EYS: variants seen among roughly 807,000 people sequenced by gnomAD.
EYS encodes protein eyes shut homolog.
In EYS, 250 loss-of-function variants were observed where a neutral mutation model predicts 282.1. That is an observed-to-expected ratio of 0.89 (90% CI 0.80 to 0.98). The LOEUF is 0.98. Among genes scored for constraint, EYS ranks in the 50% least tolerant of loss-of-function variants. The pLI is 0.00. For missense variants in EYS, 4,016 were observed against 3,709.0 expected (o/e 1.08, Z -2.15); for synonymous variants, 1,355 against 1,282.9 (o/e 1.06, Z -1.20).
intron 8 of EYS, among the ~76,000 whole-genome samples, chr6:65,376,792 G>A (rs984259081): frequency 6.6e-6 from 1 of 152,124 alleles, no homozygotes; most frequent in Admixed American, 6.6e-5. Context: ...TTACATAATG[G>A]TAAAGGGATC....
At chr6:65,248,336 A>C (rs1767233429) in intron 12 of EYS, among the ~76,000 whole-genome samples, 1 of 152,112 alleles carries the variant, frequency 6.6e-6, no homozygotes, top group East Asian at 1.9e-4. Context: ...TGCAGGATAA[A>C]TGTAATAGTA....
chr6:65,070,582 T>C (rs1053491053), intron 12 of EYS, among the ~76,000 whole-genome samples: 3 of 151,904 alleles, frequency 2.0e-5, no homozygotes, highest in African/African-American at 7.2e-5. Flanking sequence ...ATTTTAATGC[T>C]GTTTTCTTGG....
At chr6:63,949,627 T>C (rs563955931) in intron 35 of EYS, among the ~76,000 whole-genome samples, 1 of 152,346 alleles carries the variant, frequency 6.6e-6, no homozygotes. Context: ...TCTGCTGATA[T>C]GCCTCTCATC....
intron 12 of EYS, among the ~76,000 whole-genome samples, chr6:65,223,255 T>C (rs681731): frequency 0.022 from 3,271 of 152,092 alleles, 107 homozygotes; most frequent in African/African-American, 0.075. Flanking sequence ...TAATCCCAAC[T>C]ACTCAGGAGG....
chr6:65,309,322 C>T (rs997040958), intron 11 of EYS, among the ~76,000 whole-genome samples: 1 of 152,144 alleles, frequency 6.6e-6, no homozygotes, highest in African/African-American at 2.4e-5. Flanking sequence ...TCTGAAATGA[C>T]ATTTGTACTT....
At chr6:65,161,928 C>T (rs12198932) in intron 12 of EYS, among the ~76,000 whole-genome samples, 57,019 of 150,756 alleles carry the variant, frequency 0.38, 11,985 homozygotes, top group African/African-American at 0.57. Context: ...TTAGTTTCCC[C>T]GCCTCCTCAC....
intron 8 of EYS, among the ~76,000 whole-genome samples, chr6:65,370,169 T>A (rs1228155328): frequency 6.6e-6 from 1 of 151,494 alleles, no homozygotes; most frequent in East Asian, 1.9e-4. Context: ...TGTCATAACA[T>A]ACTTAGCTTA....
chr6:64,595,775 A>G (rs954904702), intron 24 of EYS, among the ~76,000 whole-genome samples: 1 of 152,218 alleles, frequency 6.6e-6, no homozygotes, highest in South Asian at 2.1e-4. Context: ...CTGATGCAAG[A>G]CATTGAAGAG....
intron 12 of EYS, among the ~76,000 whole-genome samples, chr6:65,177,918 A>AT (rs1171912473): frequency 4.0e-5 from 6 of 151,754 alleles, no homozygotes; most frequent in Non-Finnish European, 7.4e-5. Flanking sequence ...TATGAGAATG[A>AT]TTTTTTTTCT....
chr6:64,883,284 T>C (rs1233813910), intron 19 of EYS, among the ~76,000 whole-genome samples: 1 of 151,440 alleles, frequency 6.6e-6, no homozygotes, highest in Non-Finnish European at 1.5e-5. Context: ...ATGAAACATA[T>C]CCAAGAAAAA....
chr6:64,933,668 A>G (rs370684375), intron 15 of EYS, among the ~76,000 whole-genome samples: 3 of 152,296 alleles, frequency 2.0e-5, no homozygotes, highest in East Asian at 3.9e-4. Flanking sequence ...ATTCTACTAT[A>G]AAAACACATC....
intron 19 of EYS, among the ~76,000 whole-genome samples, chr6:64,843,800 G>C (rs1765638264): frequency 6.6e-6 from 1 of 152,016 alleles, no homozygotes; most frequent in South Asian, 2.1e-4. Context: ...TGAAATGTGA[G>C]GACATGAGAT....
intron 12 of EYS, among the ~76,000 whole-genome samples, chr6:65,200,267 A>T (rs1765867554): frequency 6.6e-6 from 1 of 151,772 alleles, no homozygotes; most frequent in South Asian, 2.1e-4. Flanking sequence ...AGTAGTGATA[A>T]GGCAAGAAAA....
intron 12 of EYS, among the ~76,000 whole-genome samples, chr6:65,166,675 A>G (rs915906003): frequency 6.6e-6 from 1 of 151,274 alleles, no homozygotes; most frequent in Non-Finnish European, 1.5e-5. Context: ...AGTTTTTTAC[A>G]TATAACAAAA....
At chr6:64,905,359 A>G (rs1767790842) in intron 16 of EYS, among the ~76,000 whole-genome samples, 1 of 152,214 alleles carries the variant, frequency 6.6e-6, no homozygotes, top group Non-Finnish European at 1.5e-5. Flanking sequence ...AAAGTTTGTT[A>G]TTACTAATTT....
intron 30 of EYS, among the ~76,000 whole-genome samples, chr6:64,273,221 A>T (rs535453302): frequency 6.6e-6 from 1 of 152,278 alleles, no homozygotes; most frequent in African/African-American, 2.4e-5. Context: ...AAATCTTTGT[A>T]TCATGATTAG....
chr6:63,806,179 G>A lies in EYS; in HGVS notation c.7411+11C>T, dbSNP rs886061668. The A allele has an allele frequency of 5.8e-6, 9 of 1,549,652 alleles. No homozygotes were observed. The South Asian group carries it at 8.3e-5, about 14-fold the overall frequency. ...AGCGAGGCAAGTCCTAGAGGGTTCA[G>A]TTAATCTTACCATGGCCTTTCTGTC... On this transcript the variant is annotated intron_variant, in intron 37 of 42. Coordinates refer to ENST00000503581, the MANE Select transcript of EYS (RefSeq NM_001142800.2).
At position 65,703,924 on chromosome 6, in the gene EYS, G is replaced by C. The variant is rs1030888527; in HGVS notation, c.-448+3211C>G. 2.6e-5 allele frequency among the ~76,000 whole-genome samples: 4 copies of C among 152,250 alleles called. 1 individual carries two copies. In the South Asian group the frequency reaches 8.3e-4, roughly 32 times the overall value. On this transcript the variant is annotated intron_variant, in intron 1 of 42. Coordinates refer to ENST00000503581, the MANE Select transcript of EYS (RefSeq NM_001142800.2). ...GATGCTGTCCAAGACTGTCAGATCTGGCTGTAATCTGTTAAACACAGTATT... is the reference window on the plus strand; with the variant it reads ...GATGCTGTCCAAGACTGTCAGATCTCGCTGTAATCTGTTAAACACAGTATT...
intron 14 of EYS, among the ~76,000 whole-genome samples, chr6:64,986,972 A>G (rs775003718): frequency 1.3e-5 from 2 of 151,564 alleles, no homozygotes; most frequent in South Asian, 2.1e-4. Flanking sequence ...CCATTAGAAC[A>G]TCACCTTTCT....
Sources: gnomAD v4.1 joint callset for allele counts (sites outside exome capture counted in the v4.1 genomes callset) on GRCh38, gnomAD v4.1.1 for gene constraint, MANE v1.5 for transcripts, NCBI Gene and HGNC (gene_info 2026-07-23, HGNC 2026-07-21) for gene names.